The following KIAA1217 variants were observed in gnomAD, a reference collection of about 807,000 sequenced individuals.
KIAA1217 encodes KIAA1217.
Under a neutral mutation model 163.9 loss-of-function variants are expected in KIAA1217, and 88 were observed. That is an observed-to-expected ratio of 0.54 (90% confidence interval 0.45 to 0.64). The LOEUF (loss-of-function observed/expected upper bound fraction) is 0.64. Ranked by LOEUF, KIAA1217 falls within the 30% of genes least tolerant of loss-of-function variation. KIAA1217 has a pLI of 0.00. For synonymous variants in KIAA1217, 903 were observed against 923.1 expected (o/e 0.98, Z 0.39); for missense variants, 2,372 against 2,475.0 (o/e 0.96, Z 0.88).
intron 5 of KIAA1217, among the ~76,000 whole-genome samples, chr10:24,448,132 A>G (rs2061100722): frequency 6.6e-6 from 1 of 152,184 alleles, no homozygotes; most frequent in Non-Finnish European, 1.5e-5. Context: ...CCACCTCAAA[A>G]AAAAAGAAGT....
At chr10:24,305,589 G>A (rs1395586293) in intron 2 of KIAA1217, among the ~76,000 whole-genome samples, 1 of 152,144 alleles carries the variant, frequency 6.6e-6, no homozygotes, top group Admixed American at 6.6e-5. Flanking sequence ...CTTATGTGTG[G>A]GAATGAGCAA....
At chr10:24,429,577 T>C (rs1378885448) in intron 3 of KIAA1217, among the ~76,000 whole-genome samples, 2 of 152,330 alleles carry the variant, frequency 1.3e-5, no homozygotes, top group Admixed American at 6.5e-5. Context: ...TTCACTGAAT[T>C]TTAAAATTCT....
At chr10:24,484,370 A>G (rs917399020) in intron 6 of KIAA1217, among the ~76,000 whole-genome samples, 8 of 147,268 alleles carry the variant, frequency 5.4e-5, no homozygotes, top group African/African-American at 2.0e-4. Context: ...TCAGCCTCCC[A>G]AGTAGCTGGT....
At chr10:23,899,027 C>A (rs1841840354) in intron 1 of KIAA1217, among the ~76,000 whole-genome samples, 1 of 152,040 alleles carries the variant, frequency 6.6e-6, no homozygotes, top group Non-Finnish European at 1.5e-5. Flanking sequence ...TCTATCATAC[C>A]ACTATTTCAT....
intron 3 of KIAA1217, among the ~76,000 whole-genome samples, chr10:24,417,763 G>T (rs564204646): frequency 6.6e-6 from 1 of 152,040 alleles, no homozygotes; most frequent in African/African-American, 2.4e-5. Flanking sequence ...TTTTAAAAAT[G>T]AGCTTGAAAA....
intron 14 of KIAA1217, among the ~76,000 whole-genome samples, chr10:24,530,749 T>C (rs1027468999): frequency 4.6e-5 from 7 of 151,994 alleles, no homozygotes; most frequent in African/African-American, 1.7e-4. Flanking sequence ...AATTAAAAAA[T>C]CCGCTGGGCA....
chr10:23,909,651 C>A (rs1035958914), intron 1 of KIAA1217, among the ~76,000 whole-genome samples: 5 of 152,244 alleles, frequency 3.3e-5, no homozygotes, highest in Non-Finnish European at 5.9e-5. Context: ...GCATAGTATT[C>A]CATGGTGTAT....
intron 1 of KIAA1217, chr10:23,877,448 A>C (rs2131179407): frequency 6.6e-6 from 1 of 152,102 alleles, no homozygotes; most frequent in African/African-American, 2.4e-5. Context: ...TCCACCACCC[A>C]TGAGCAAAAC....
At chr10:23,830,617 G>T (rs1838137301) in intron 1 of KIAA1217, among the ~76,000 whole-genome samples, 1 of 152,038 alleles carries the variant, frequency 6.6e-6, no homozygotes, top group Admixed American at 6.6e-5. Flanking sequence ...AAGGGAGACA[G>T]TGATGATAGG....
chr10:24,104,399 G>A (rs1340134109), intron 2 of KIAA1217, among the ~76,000 whole-genome samples: 1 of 152,096 alleles, frequency 6.6e-6, no homozygotes, highest in Non-Finnish European at 1.5e-5. Flanking sequence ...ACTACTAAGA[G>A]AAACAAGCCG....
chr10:24,519,372 C>G (rs937984748), intron 10 of KIAA1217, among the ~76,000 whole-genome samples: 1 of 152,170 alleles, frequency 6.6e-6, no homozygotes, highest in Non-Finnish European at 1.5e-5. Flanking sequence ...TCCACAGACA[C>G]CACGTCTGTC....
At position 24,209,141 on chromosome 10, in the gene KIAA1217, A is replaced by G. The variant is rs146919272; in HGVS notation, c.-53A>G. 551 of 1,565,172 alleles carry G rather than the reference A, an allele frequency of 3.5e-4. 3 individuals are homozygous for G. In the African/African-American group the frequency reaches 6.6e-3, roughly 19 times the overall value. On this transcript the variant is annotated 5_prime_UTR_variant, in exon 1 of 21. Coordinates refer to ENST00000376454, the MANE Select transcript of KIAA1217 (RefSeq NM_019590.5). ...CAGGCGCTTTCTGGGAGCTTTTAGA[A>G]CTGCGCTCTGAAGTTTCCAGAGAGC...
intron 1 of KIAA1217, among the ~76,000 whole-genome samples, chr10:24,215,771 T>C (rs1396815774): frequency 6.6e-6 from 1 of 152,100 alleles, no homozygotes; most frequent in Non-Finnish European, 1.5e-5. Flanking sequence ...TGCCTTTGTG[T>C]GGAAAGTGGC....
At chr10:23,747,287 C>T (rs1839464092) in intron 1 of KIAA1217, among the ~76,000 whole-genome samples, 1 of 152,086 alleles carries the variant, frequency 6.6e-6, no homozygotes, top group Non-Finnish European at 1.5e-5. Flanking sequence ...TGAAGATGTC[C>T]AGGGAAGTAT....
chr10:23,923,332 C>T (rs1842915424), intron 1 of KIAA1217, among the ~76,000 whole-genome samples: 1 of 152,042 alleles, frequency 6.6e-6, no homozygotes, highest in Non-Finnish European at 1.5e-5. Flanking sequence ...CCAAGAAAGA[C>T]CTTTTAAAAT....
chr10:24,213,087 A>G (rs1051376083), intron 1 of KIAA1217, among the ~76,000 whole-genome samples: 1 of 152,210 alleles, frequency 6.6e-6, no homozygotes, highest in Non-Finnish European at 1.5e-5. Flanking sequence ...ACTGGGGTAT[A>G]TGATCACCCT....
Position 23,890,562 on chromosome 10 carries a change from T to C in KIAA1217, c.-320-116663T>C, listed in dbSNP as rs576766035. 4.9e-4 allele frequency among the ~76,000 whole-genome samples: 74 copies of C among 152,044 alleles called. 1 individual carries two copies. The highest frequency in any genetic ancestry group is 9.0e-4 in the Non-Finnish European group (61 of 67,876). ...GAAACATTTGGGATTTTTAAAGATA[T>C]CTTAGTGTTATCGATTTCTAATTTA... On this transcript the variant is annotated intron_variant, in intron 1 of 18. Transcript: ENST00000376462.
At chr10:24,387,068 T>A (rs1392613488) in intron 3 of KIAA1217, among the ~76,000 whole-genome samples, 2 of 152,286 alleles carry the variant, frequency 1.3e-5, no homozygotes, top group East Asian at 3.9e-4. Context: ...GCTGCTAGCA[T>A]AGAAAATGTC....
intron 2 of KIAA1217, among the ~76,000 whole-genome samples, chr10:24,314,990 C>T (rs2043173991): frequency 6.6e-6 from 1 of 152,118 alleles, no homozygotes; most frequent in Non-Finnish European, 1.5e-5. Flanking sequence ...CATTGTTCAT[C>T]TAAGAACCTA....
Sources: allele counts gnomAD v4.1 joint callset (sites outside exome capture counted in the v4.1 genomes callset), GRCh38; gene constraint gnomAD v4.1.1; transcripts MANE v1.5; gene names NCBI Gene and HGNC (gene_info 2026-07-23, HGNC 2026-07-21).